Variants in DOCK4 observed in about 807,000 individuals in gnomAD.
The protein encoded by DOCK4 is dedicator of cytokinesis 4.
DOCK4 carries 97 observed loss-of-function variants against 268.1 expected under a neutral mutation model. The ratio of observed to expected loss-of-function variants is 0.36; its 90% CI spans 0.31 to 0.43. DOCK4 has a LOEUF of 0.43. DOCK4 is among the 20% of genes least tolerant of loss of function. The pLI is 1.00. For synonymous variants in DOCK4, 954 were observed against 887.2 expected (o/e 1.08, Z -1.34); for missense variants, 2,145 against 2,455.7 (o/e 0.87, Z 2.67).
chr7:112,002,055 T>C (rs772214000), intron 2 of DOCK4, among the ~76,000 whole-genome samples: 12 of 152,234 alleles, frequency 7.9e-5, no homozygotes, highest in Non-Finnish European at 1.6e-4. Flanking sequence ...ATTTTTTCAA[T>C]GATTAAATTT....
chr7:111,898,510 C>G (rs1469070060), intron 15 of DOCK4, among the ~76,000 whole-genome samples: 1 of 152,186 alleles, frequency 6.6e-6, no homozygotes, highest in African/African-American at 2.4e-5. Context: ...ATCTGTCTTT[C>G]CTCTCTGGAA....
chr7:112,007,317 T>TGGAATGAATGAA (rs1467971596), intron 1 of DOCK4, among the ~76,000 whole-genome samples: 10 of 149,308 alleles, frequency 6.7e-5, no homozygotes, highest in Non-Finnish European at 5.9e-5. Context: ...TACAAATACA[T>TGGAATGAATGAA]GGAATGAATG....
intron 1 of DOCK4, among the ~76,000 whole-genome samples, chr7:112,026,944 G>A (rs1415399904): frequency 1.3e-5 from 2 of 152,186 alleles, no homozygotes; most frequent in African/African-American, 4.8e-5. Flanking sequence ...AAAGTGACTC[G>A]AGGTGGGAGG....
At chr7:112,087,033 C>T (rs1391928401) in intron 1 of DOCK4, among the ~76,000 whole-genome samples, 3 of 152,086 alleles carry the variant, frequency 2.0e-5, no homozygotes, top group Non-Finnish European at 4.4e-5. Flanking sequence ...TGAGATAACC[C>T]TCAGGAGTCT....
chr7:112,143,530 G>C (rs1404364937), intron 1 of DOCK4, among the ~76,000 whole-genome samples: 1 of 152,096 alleles, frequency 6.6e-6, no homozygotes, highest in Non-Finnish European at 1.5e-5. Context: ...CTTTTACCTA[G>C]GTTTAAATTG....
At chr7:111,827,742 T>C (rs1430292496) in intron 26 of DOCK4, among the ~76,000 whole-genome samples, 1 of 152,170 alleles carries the variant, frequency 6.6e-6, no homozygotes, top group Non-Finnish European at 1.5e-5. Context: ...CTGGAGTGAC[T>C]GAAAGGTGTT....
intron 30 of DOCK4, among the ~76,000 whole-genome samples, chr7:111,806,265 C>T (rs1277463290): frequency 6.6e-6 from 1 of 152,160 alleles, no homozygotes; most frequent in Non-Finnish European, 1.5e-5. Context: ...AAGTAACAAG[C>T]TGACTTAAGG....
intron 1 of DOCK4, among the ~76,000 whole-genome samples, chr7:112,051,401 T>C (rs1041745342): frequency 1.3e-5 from 2 of 152,058 alleles, no homozygotes; most frequent in African/African-American, 4.8e-5. Flanking sequence ...TATACATTAG[T>C]TATACTTTTT....
chr7:112,043,318 T>C lies in DOCK4; in HGVS notation c.38-39187A>G, dbSNP rs1385707499. ...GTTACTCATAAATTATAATATTCAA[T>C]TCATCTAGAACCTGCCACAAATCAA... On this transcript the variant is annotated intron_variant, in intron 1 of 52. Coordinates refer to ENST00000428084, the MANE Select transcript of DOCK4 (RefSeq NM_001363540.2). Among the ~76,000 whole-genome samples, 4 of 152,186 alleles carry C rather than the reference T, an allele frequency of 2.6e-5. No individual in the cohort carries two copies. The East Asian group carries it at 7.7e-4, about 29-fold the overall frequency.
At chr7:111,937,560 A>G (rs570998206) in intron 11 of DOCK4, among the ~76,000 whole-genome samples, 1 of 152,290 alleles carries the variant, frequency 6.6e-6, no homozygotes, top group South Asian at 2.1e-4. Flanking sequence ...TGATGATGGG[A>G]CTGTCTGTCC....
intron 5 of DOCK4, among the ~76,000 whole-genome samples, chr7:111,991,742 A>G (rs1799544471): frequency 6.6e-6 from 1 of 151,898 alleles, no homozygotes; most frequent in Non-Finnish European, 1.5e-5. Context: ...TGGGCGGATC[A>G]TGAGGTCAGG....
chr7:111,982,046 C>T (rs1798650971), intron 7 of DOCK4, among the ~76,000 whole-genome samples: 1 of 152,140 alleles, frequency 6.6e-6, no homozygotes, highest in African/African-American at 2.4e-5. Flanking sequence ...CAGGGGTGTG[C>T]CTAAGCTCTG....
intron 21 of DOCK4, 86 bp from the exon 22 acceptor site, chr7:111,868,240 G>A (rs2134213774): frequency 9.4e-7 from 1 of 1,063,114 alleles, no homozygotes; most frequent in East Asian, 2.7e-5. Flanking sequence ...ACCATGGTAT[G>A]GCATTAAACT....
chr7:111,869,817 A>G (rs1562824651), intron 20 of DOCK4, among the ~76,000 whole-genome samples, 162 bp from the exon 21 acceptor site: 1 of 152,208 alleles, frequency 6.6e-6, no homozygotes. Context: ...AAATCTGCAG[A>G]TCAACACTGC....
chr7:111,903,988 A>T (rs1791358379), intron 13 of DOCK4, among the ~76,000 whole-genome samples: 1 of 152,242 alleles, frequency 6.6e-6, no homozygotes, highest in Admixed American at 6.5e-5. Flanking sequence ...TCCAAACCAC[A>T]CAGGGATTAA....
At chr7:112,043,150 G>C (rs1804539406) in intron 1 of DOCK4, among the ~76,000 whole-genome samples, 1 of 151,896 alleles carries the variant, frequency 6.6e-6, no homozygotes, top group Non-Finnish European at 1.5e-5. Context: ...AAGACAGGCA[G>C]AGAAAGGAAA....
In DOCK4 at chr7:111,731,453, G is replaced by A. The variant is rs150611973; in HGVS notation, c.5481+773C>T. ...CACTCAGGTACAAAATCATTCTTTC[G>A]ACACACTTCATATTTGCCTCTGGTG... On this transcript the variant is annotated intron_variant, in intron 52 of 52. Transcript: ENST00000428084. Among the ~76,000 whole-genome samples the A allele has an allele frequency of 3.4e-3, 516 of 152,176 alleles. 2 individuals carry two copies. Among genetic ancestry groups the A allele is most frequent in the South Asian group, 7.3e-3 (35 of 4,812 alleles).
intron 8 of DOCK4, among the ~76,000 whole-genome samples, chr7:111,963,467 T>C (rs1222209065): frequency 2.8e-5 from 3 of 106,414 alleles, no homozygotes; most frequent in Admixed American, 9.2e-5. Flanking sequence ...GAAAATCGGG[T>C]CACTCCCACC....
chr7:111,971,680 C>G, intron 8 of DOCK4: 1 of 276,894 alleles, frequency 3.6e-6, no homozygotes, highest in Non-Finnish European at 6.3e-6. Context: ...CCAACAGCCT[C>G]TTCTCTTGCT....
Sources: gnomAD v4.1 joint callset for allele counts (sites outside exome capture counted in the v4.1 genomes callset) on GRCh38, gnomAD v4.1.1 for gene constraint, MANE v1.5 for transcripts, NCBI Gene and HGNC (gene_info 2026-07-23, HGNC 2026-07-21) for gene names.